NCOA6: variants seen among roughly 807,000 people sequenced by gnomAD.
The protein encoded by NCOA6 is NRC RAP250.
A neutral mutation model predicts 171.4 loss-of-function variants in NCOA6; 49 were observed. The ratio of observed to expected loss-of-function variants is 0.29; its 90% CI spans 0.23 to 0.36. The LOEUF is 0.36. Ranked by LOEUF, NCOA6 falls within the 10% of genes least tolerant of loss-of-function variation. The pLI, the probability that NCOA6 is intolerant of heterozygous loss-of-function variation, is 1.00. For missense variants in NCOA6, 2,248 were observed against 2,554.5 expected, an observed-to-expected ratio of 0.88 and a Z score of 2.59; for synonymous variants, 910 against 927.5, an observed-to-expected ratio of 0.98 and a Z score of 0.34.
intron 1 of NCOA6, among the ~76,000 whole-genome samples, chr20:34,798,506 T>C (rs937025374): frequency 1.3e-5 from 2 of 152,210 alleles, no homozygotes; most frequent in African/African-American, 2.4e-5. Context: ...ACTACAGGCC[T>C]TGGGCGAGAG....
At chr20:34,775,278 C>T (rs529557592) in intron 4 of NCOA6, among the ~76,000 whole-genome samples, 42 of 151,918 alleles carry the variant, frequency 2.8e-4, no homozygotes, top group African/African-American at 1.0e-3. Flanking sequence ...GGATTTTAAT[C>T]TAGGGGTGTA....
chr20:34,751,998 GA>G (rs1286004495), intron 8 of NCOA6, among the ~76,000 whole-genome samples: 2 of 152,056 alleles, frequency 1.3e-5, no homozygotes, highest in African/African-American at 4.8e-5. Flanking sequence ...GCTGAAACTA[GA>G]AGCGCACAAC....
chr20:34,776,343 C>T lies in NCOA6; in HGVS notation c.341G>A (p.Ser114Asn), dbSNP rs768776290. 3 of 1,613,968 alleles carry T rather than the reference C, an allele frequency of 1.9e-6. No homozygotes were observed. The highest frequency in any genetic ancestry group is 4.5e-5 in the East Asian group (2 of 44,906). The change falls in exon 4 of 15, where the codon AGC becomes AAC. Residue 114 changes from serine to asparagine, a missense_variant. Physicochemically the swap from Ser to Asn is conservative, Grantham distance 46. Transcript: ENST00000359003. The stretch of plus-strand genomic sequence containing the variant: ...TAAATCCCGAAGCTGCTGGTTGTTG[C>T]TCTGAGCAAGGATCCGTAGCCGCTC... ...AAERLRILAQ[S>N]NNQQLRDLGI...
At chr20:34,772,132 C>T (rs903149195) in intron 4 of NCOA6, among the ~76,000 whole-genome samples, 9 of 151,998 alleles carry the variant, frequency 5.9e-5, no homozygotes, top group African/African-American at 2.2e-4. Context: ...TCAAGACTAG[C>T]GACATGGTGA....
At chr20:34,806,227 T>C (rs745386088) in intron 1 of NCOA6, among the ~76,000 whole-genome samples, 10 of 152,138 alleles carry the variant, frequency 6.6e-5, no homozygotes, top group Non-Finnish European at 1.3e-4. Context: ...GAGAAATGTC[T>C]ATTCAGATCA....
intron 5 of NCOA6, among the ~76,000 whole-genome samples, chr20:34,760,095 T>C (rs375543562): frequency 7.2e-5 from 11 of 152,024 alleles, no homozygotes; most frequent in African/African-American, 1.7e-4. Context: ...CTGGGCAACA[T>C]AGAAAGACCC....
intron 3 of NCOA6, among the ~76,000 whole-genome samples, chr20:34,777,444 G>T (rs994591459): frequency 7.2e-5 from 11 of 151,772 alleles, no homozygotes; most frequent in Non-Finnish European, 1.6e-4. Flanking sequence ...GCAAAACCCC[G>T]TCTCTACTAA....
In NCOA6 at chr20:34,742,431, T is replaced by C. The variant is rs1009497948; in HGVS notation, c.3825A>G (p.Leu1275=). The change falls in exon 11 of 15, where the codon CTA becomes CTG. Residue 1275 remains leucine (L), a synonymous_variant. Transcript: ENST00000359003. ...NLNRGFDQQG[L]NPTTLKAIGQ... ...CGATGGCCTTCAAAGTTGTTGGATT[T>C]AGGCCTTGTTGATCAAAGCCCCTGT... 24 of 1,614,120 alleles carry C rather than the reference T, an allele frequency of 1.5e-5. No individual in the cohort carries two copies. Among genetic ancestry groups the C allele is most frequent in the Non-Finnish European group, 1.9e-5 (22 of 1,180,050 alleles).
rs746143637 is a variant in NCOA6, at chr20:34,760,445, A to G, written c.515-1512T>C. On this transcript the variant is annotated intron_variant, in intron 5 of 14. Coordinates refer to ENST00000359003, the MANE Select transcript of NCOA6 (RefSeq NM_014071.5). ...AAAATTCTAAAAAGAAAATGATGAC[A>G]TTTAGCTTGAAGGGCAGATTTTGTG... Among the ~76,000 whole-genome samples the G allele has an allele frequency of 3.9e-5, 6 of 152,312 alleles. No homozygotes were observed. In the South Asian group the frequency reaches 1.0e-3, roughly 26 times the overall value.
chr20:34,796,105 G>C (rs1020308780), intron 1 of NCOA6, among the ~76,000 whole-genome samples: 1 of 148,652 alleles, frequency 6.7e-6, no homozygotes, highest in Non-Finnish European at 1.5e-5. Flanking sequence ...CAAACTCCTG[G>C]GCTCAAGTAA....
At chr20:34,723,314 C>A (rs1043195454) in intron 14 of NCOA6, among the ~76,000 whole-genome samples, 4 of 152,176 alleles carry the variant, frequency 2.6e-5, no homozygotes, top group African/African-American at 9.6e-5. Context: ...TGAGGCAGAA[C>A]TGATGACTTG....
rs757330129 is a variant in NCOA6, at chr20:34,749,916, C to T, written c.2279G>A (p.Gly760Glu). The change falls in exon 9 of 15, where the codon GGA becomes GAA. Residue 760 changes from glycine (G) to glutamate (E), a missense_variant. Gly to Glu is a moderately conservative substitution (Grantham distance 98). Around this residue, in one of 7 missense-constraint regions of NCOA6, gnomAD observed 987 missense variants for 1,104.7 expected, o/e 0.89. Coordinates refer to ENST00000359003, the MANE Select transcript of NCOA6 (RefSeq NM_014071.5). ...GGGCAGCATCTGTCCTGACATCTGT[C>T]CCGTAAACTGCACCATATTTCCTTG... is the stretch of plus-strand genomic sequence containing the variant. ...NMQGNMVQFTGQMSGQMLPQQ... is the reference protein window; with the variant it reads ...NMQGNMVQFTEQMSGQMLPQQ... 6.2e-7 allele frequency: 1 copy of T among 1,614,198 alleles called. No individual in the cohort carries two copies. The highest frequency in any genetic ancestry group is 1.1e-5 in the South Asian group (1 of 91,084).
intron 2 of NCOA6, among the ~76,000 whole-genome samples, chr20:34,792,015 T>C (rs1296923543): frequency 1.3e-5 from 2 of 152,192 alleles, no homozygotes; most frequent in Admixed American, 6.5e-5. Flanking sequence ...AATTTCAAGA[T>C]AAAAACAGTC....
intron 1 of NCOA6, among the ~76,000 whole-genome samples, chr20:34,793,406 C>T (rs1329313554): frequency 6.6e-6 from 1 of 152,054 alleles, no homozygotes; most frequent in South Asian, 2.1e-4. Context: ...AATATCTATA[C>T]ATTATATTTT....
Position 34,741,677 on chromosome 20 carries a change from T to C in NCOA6, c.4579A>G (p.Lys1527Glu), listed in dbSNP as rs1402717581. The C allele has an allele frequency of 1.2e-6, 2 of 1,614,172 alleles. No individual in the cohort carries two copies. The highest frequency in any genetic ancestry group is 1.7e-6 in the Non-Finnish European group (2 of 1,180,018). ...PPVVSGEDLK[K>E]ASVIPTLQDL... is the part of the protein sequence containing the mutation. Reference sequence around the variant, plus strand: ...TGCAGTGTGGGAATGACAGATGCTTTTTTGAGGTCCTCCCCAGAAACTACT... The same window carrying C: ...TGCAGTGTGGGAATGACAGATGCTTCTTTGAGGTCCTCCCCAGAAACTACT... The change falls in exon 11 of 15, where the codon AAA becomes GAA. Residue 1527 changes from lysine to glutamate, a missense_variant. Lys to Glu is a moderately conservative substitution (Grantham distance 56, BLOSUM62 1). Coordinates refer to ENST00000359003, the MANE Select transcript of NCOA6 (RefSeq NM_014071.5).
intron 12 of NCOA6, among the ~76,000 whole-genome samples, chr20:34,736,206 G>C (rs1049858168): frequency 1.3e-5 from 2 of 152,094 alleles, no homozygotes; most frequent in Non-Finnish European, 2.9e-5. Flanking sequence ...ATGCCACCCA[G>C]AGACGACTGA....
At chr20:34,726,594 G>A (rs1989976707) in intron 14 of NCOA6, among the ~76,000 whole-genome samples, 1 of 152,030 alleles carries the variant, frequency 6.6e-6, no homozygotes, top group Non-Finnish European at 1.5e-5. Context: ...AGACCAGCCT[G>A]GCCAACATGA....
chr20:34,716,162 T>C lies in NCOA6; in HGVS notation c.6149-797A>G, dbSNP rs527792846. ...TGAACTACGGAGGTGAAGGTTCCAG[T>C]AAGCCGATATCCCACCACTGTACTG... On this transcript the variant is annotated intron_variant, in intron 14 of 14. Coordinates refer to ENST00000359003, the MANE Select transcript of NCOA6 (RefSeq NM_014071.5). Among the ~76,000 whole-genome samples, 6 of 125,190 alleles carry C rather than the reference T, an allele frequency of 4.8e-5. No homozygotes were observed. In the East Asian group the frequency reaches 1.3e-3, roughly 26 times the overall value. The allele number at this position is 125,190 out of a possible 152,430, so 82.1% of individuals were successfully genotyped here. A position where few individuals can be genotyped will look rare whatever the true frequency, so the allele number is the denominator to read the frequency against.
chr20:34,730,279 A>G (rs1396971181), intron 13 of NCOA6, among the ~76,000 whole-genome samples: 1 of 151,614 alleles, frequency 6.6e-6, no homozygotes, highest in African/African-American at 2.4e-5. Flanking sequence ...TCATAGAGAC[A>G]GGGTCTCCCT....
Sources: allele counts gnomAD v4.1 joint callset (sites outside exome capture counted in the v4.1 genomes callset), GRCh38; gene constraint gnomAD v4.1.1; regional missense constraint gnomAD v4.1.1; transcripts MANE v1.5; gene names NCBI Gene and HGNC (gene_info 2026-07-23, HGNC 2026-07-21).